The following GRIK4 variants were observed in gnomAD, a reference collection of about 807,000 sequenced individuals.
The protein encoded by GRIK4 is glutamate ionotropic receptor kainate type subunit 4.
Under a neutral mutation model 104.9 loss-of-function variants are expected in GRIK4, and 40 were observed. The observed-to-expected ratio is 0.38, with a 90% CI of 0.30 to 0.50. GRIK4 has a LOEUF of 0.50. Ranked by LOEUF, GRIK4 falls within the 20% of genes least tolerant of loss-of-function variation. The pLI, the probability that GRIK4 is intolerant of heterozygous loss-of-function variation, is 0.93. For missense variants in GRIK4, 1,047 were observed against 1,308.1 expected (o/e 0.80, Z 3.08); for synonymous variants, 485 against 524.9 (o/e 0.92, Z 1.04).
intron 3 of GRIK4, among the ~76,000 whole-genome samples, chr11:120,780,519 A>G (rs929610673): frequency 1.3e-5 from 2 of 152,166 alleles, no homozygotes; most frequent in Admixed American, 6.5e-5. Context: ...TTGTTGATCC[A>G]TTCATTTGTG....
chr11:120,673,273 C>G (rs770431682), intron 3 of GRIK4, among the ~76,000 whole-genome samples: 1 of 152,200 alleles, frequency 6.6e-6, no homozygotes, highest in Non-Finnish European at 1.5e-5. Flanking sequence ...TAAATATCTA[C>G]TGAATGAATG....
At chr11:120,811,266 A>G (rs771711621) in intron 4 of GRIK4, among the ~76,000 whole-genome samples, 45 of 152,346 alleles carry the variant, frequency 3.0e-4, no homozygotes, top group East Asian at 1.3e-3. Flanking sequence ...ATAAAAAGGA[A>G]TACATGCTCA....
chr11:120,713,632 CA>C (rs1950778326), intron 3 of GRIK4, among the ~76,000 whole-genome samples: 1 of 152,122 alleles, frequency 6.6e-6, no homozygotes, highest in African/African-American at 2.4e-5. Context: ...TCTCTGGCTA[CA>C]GAGGATTTTT....
rs77674279 is a variant in GRIK4 at position 120,953,011 on chromosome 11, C to A, written c.1700+47C>A. 6,623 of 1,248,368 alleles carry A rather than the reference C, an allele frequency of 5.3e-3. 292 individuals carry two copies. The African/African-American group carries it at 0.086, about 16-fold the overall frequency. The allele number at this position is 1,248,368 out of a possible 1,614,324, so 77.3% of individuals were successfully genotyped here. A position where few individuals can be genotyped will look rare whatever the true frequency, so the allele number is the denominator to read the frequency against. ...TGTCCTTACACCGCCACCTCGTGTC[C>A]ACCTCTGGGAACTGCATGGGGAGGG... On this transcript the variant is annotated intron_variant, in intron 15 of 20. Transcript: ENST00000527524. This position sits in a 1 kb window ranked among gnomAD's most constrained non-coding sequence, Gnocchi z 4.9.
chr11:120,935,531 G>GAC (rs1382826381), intron 13 of GRIK4, among the ~76,000 whole-genome samples: 1 of 152,128 alleles, frequency 6.6e-6, no homozygotes, highest in Non-Finnish European at 1.5e-5. Flanking sequence ...GCCTGGGCAA[G>GAC]ACAGAGCAAG....
intron 6 of GRIK4, among the ~76,000 whole-genome samples, chr11:120,826,222 A>G (rs906040699): frequency 1.3e-5 from 2 of 152,224 alleles, no homozygotes; most frequent in Non-Finnish European, 2.9e-5. Context: ...TCAAGGTCAC[A>G]TGATTCCTGC....
At chr11:120,907,225 A>G (rs1269452007) in intron 13 of GRIK4, among the ~76,000 whole-genome samples, 3 of 152,088 alleles carry the variant, frequency 2.0e-5, no homozygotes, top group Non-Finnish European at 4.4e-5. Context: ...TTACCTTCTT[A>G]CTGATGTCCT....
At chr11:120,803,840 A>G (rs755885866) in intron 4 of GRIK4, among the ~76,000 whole-genome samples, 6 of 152,214 alleles carry the variant, frequency 3.9e-5, no homozygotes, top group Admixed American at 2.6e-4. Flanking sequence ...TGGAGCCCCT[A>G]CTATGCGCTG....
At chr11:120,628,126 G>A (rs1949284301) in intron 1 of GRIK4, among the ~76,000 whole-genome samples, 1 of 152,318 alleles carries the variant, frequency 6.6e-6, no homozygotes, top group African/African-American at 2.4e-5. Context: ...CAGAGGGTGT[G>A]CTCCCAGGAG....
At chr11:120,610,272 TTAA>T (rs1356622602) in intron 1 of GRIK4, among the ~76,000 whole-genome samples, 1 of 152,248 alleles carries the variant, frequency 6.6e-6, no homozygotes, top group Non-Finnish European at 1.5e-5. Flanking sequence ...AACATGAATG[TTAA>T]TGATGCATTT....
At chr11:120,675,581 T>C (rs1304363791) in intron 3 of GRIK4, among the ~76,000 whole-genome samples, 1 of 152,130 alleles carries the variant, frequency 6.6e-6, no homozygotes, top group Non-Finnish European at 1.5e-5. Context: ...TTTATTTATT[T>C]AAAAAATAGT....
chr11:120,669,496 CCT>C (rs770867983), intron 3 of GRIK4, among the ~76,000 whole-genome samples: 2 of 152,182 alleles, frequency 1.3e-5, no homozygotes, highest in Non-Finnish European at 2.9e-5. Context: ...TATTTCCTCT[CCT>C]CTCTCTCTTT....
At chr11:120,528,067 G>C (rs893825461) in intron 1 of GRIK4, among the ~76,000 whole-genome samples, 1 of 152,208 alleles carries the variant, frequency 6.6e-6, no homozygotes, top group South Asian at 2.1e-4. Flanking sequence ...GGGCTCAGCC[G>C]GTCCTCCCAC....
chr11:120,769,633 A>G (rs1338114832), intron 3 of GRIK4, among the ~76,000 whole-genome samples: 2 of 152,242 alleles, frequency 1.3e-5, no homozygotes, highest in African/African-American at 4.8e-5. Context: ...GTGGCAGGCT[A>G]GATTTAGCAG....
chr11:120,956,686 C>A lies in GRIK4; in HGVS notation c.1701-94C>A. Reference sequence around the variant, plus strand: ...GAAGTGGCTTGCCCAAGGCCACAGGCCGGTCTCAGAGGTGAGACCAGCCAG... The same window carrying A: ...GAAGTGGCTTGCCCAAGGCCACAGGACGGTCTCAGAGGTGAGACCAGCCAG... On this transcript the variant is annotated intron_variant, in intron 15 of 20. Transcript: ENST00000527524. This position sits in a 1 kb window ranked among gnomAD's most constrained non-coding sequence, Gnocchi z 4.6. 2.3e-6 allele frequency: 2 copies of A among 867,356 alleles called. No individual in the cohort carries two copies. The highest frequency in any genetic ancestry group is 3.3e-6 in the Non-Finnish European group (2 of 608,586). The allele number at this position is 867,356 out of a possible 1,614,324, so 53.7% of individuals were successfully genotyped here. A position where few individuals can be genotyped will look rare whatever the true frequency, so the allele number is the denominator to read the frequency against.
chr11:120,717,236 G>A (rs559834994), intron 3 of GRIK4, among the ~76,000 whole-genome samples: 3 of 152,318 alleles, frequency 2.0e-5, no homozygotes, highest in South Asian at 2.1e-4. Flanking sequence ...GCTAATGGCT[G>A]GGACAGAGGA....
intron 20 of GRIK4, among the ~76,000 whole-genome samples, chr11:120,985,226 G>A (rs1333303770): frequency 3.9e-5 from 6 of 152,162 alleles, no homozygotes; most frequent in Admixed American, 3.9e-4. Flanking sequence ...GCGGCGGCGT[G>A]GCTTGGCTGA....
chr11:120,740,937 G>A (rs1362169364), intron 3 of GRIK4, among the ~76,000 whole-genome samples: 1 of 152,184 alleles, frequency 6.6e-6, no homozygotes, highest in Admixed American at 6.5e-5. Context: ...TGCACTGAGT[G>A]TCCAACCCTA....
In GRIK4 at chr11:120,986,038, C is replaced by A; in HGVS notation, c.2649C>A (p.Gly883=). 6.6e-7 allele frequency: 1 copy of A among 1,523,038 alleles called. No individual in the cohort carries two copies. Among genetic ancestry groups the A allele is most frequent in the Non-Finnish European group, 8.8e-7 (1 of 1,137,122 alleles). The allele number at this position is 1,523,038 out of a possible 1,614,324, so 94.3% of individuals were successfully genotyped here. The change falls in exon 21 of 21, where the codon GGC becomes GGA. Residue 883 remains glycine (G), a synonymous_variant. Coordinates refer to ENST00000527524, the MANE Select transcript of GRIK4 (RefSeq NM_014619.5). ...PPIPEERRPR[G]TATLSNGKLC... is the part of the protein sequence containing the mutation. ...TCCCCGAGGAGCGCCGACCGCGGGG[C>A]ACGGCGACGCTCAGCAACGGGAAGC...
Sources: gnomAD v4.1 joint callset for allele counts (sites outside exome capture counted in the v4.1 genomes callset) on GRCh38, gnomAD v4.1.1 for gene constraint, Gnocchi (gnomAD v3.1) non-coding constraint, MANE v1.5 for transcripts, NCBI Gene and HGNC (gene_info 2026-07-23, HGNC 2026-07-21) for gene names.